GABRG3: variants seen among roughly 807,000 people sequenced by gnomAD.
GABRG3 encodes the protein gamma-aminobutyric acid type A receptor subunit gamma3.
In GABRG3, 25 loss-of-function variants were observed where a neutral mutation model predicts 48.8. The ratio of observed to expected loss-of-function variants is 0.51; its 90% CI spans 0.37 to 0.72. GABRG3 has a LOEUF of 0.72. GABRG3 is among the 30% of genes least tolerant of loss of function. The probability of loss-of-function intolerance (pLI) is 0.00; values close to 1 mark genes in which losing one functional copy is unlikely to be tolerated. For synonymous variants in GABRG3, 227 were observed against 217.6 expected (o/e 1.04, Z -0.38); for missense variants, 394 against 577.9 (o/e 0.68, Z 3.26).
At chr15:27,396,634 A>C (rs939286209) in intron 5 of GABRG3, among the ~76,000 whole-genome samples, 13 of 152,364 alleles carry the variant, frequency 8.5e-5, no homozygotes, top group African/African-American at 3.1e-4. Flanking sequence ...CAGCATTCTC[A>C]TTTCTAGGAA....
intron 3 of GABRG3, among the ~76,000 whole-genome samples, chr15:27,279,276 T>G (rs1424145247): frequency 1.3e-5 from 2 of 152,192 alleles, no homozygotes; most frequent in Non-Finnish European, 2.9e-5. Context: ...AAGTCCTGAT[T>G]TATTGATTTT....
Position 27,264,583 on chromosome 15 carries a change from C to T in GABRG3, c.271-62226C>T, listed in dbSNP as rs182226943. Among the ~76,000 whole-genome samples, 580 of 147,020 alleles carry T rather than the reference C, an allele frequency of 3.9e-3. 1 individual carries two copies. The highest frequency in any genetic ancestry group is 0.014 in the African/African-American group (545 of 39,716). On this transcript the variant is annotated intron_variant, in intron 3 of 9. Transcript: ENST00000615808. Reference sequence around the variant, plus strand: ...ACCAACCTAAAAATCACATCCTCGTCAAAAAATTTATAAAAAACCCTCAAA... The same window carrying T: ...ACCAACCTAAAAATCACATCCTCGTTAAAAAATTTATAAAAAACCCTCAAA...
At chr15:27,343,658 G>A (rs1296533821) in intron 5 of GABRG3, among the ~76,000 whole-genome samples, 1 of 152,178 alleles carries the variant, frequency 6.6e-6, no homozygotes, top group Non-Finnish European at 1.5e-5. Context: ...TTTGGGAAAT[G>A]CAATTTAACT....
intron 2 of GABRG3, among the ~76,000 whole-genome samples, chr15:27,001,499 G>C (rs762727075): frequency 1.1e-4 from 16 of 152,190 alleles, no homozygotes; most frequent in Non-Finnish European, 8.8e-5. Flanking sequence ...TTCTCTGCAG[G>C]TTAGCATTTG....
At position 27,228,501 on chromosome 15, in the gene GABRG3, T is replaced by C. The variant is rs1595599070; in HGVS notation, c.271-98308T>C. Among the ~76,000 whole-genome samples, 6 of 152,356 alleles carry C rather than the reference T, an allele frequency of 3.9e-5. No homozygotes were observed. The East Asian group carries it at 1.2e-3, about 29-fold the overall frequency. ...TTAGGTTGATTTCATGTCTTTGCTA[T>C]TGTGAACAGCGCTGCAATGAACATG... On this transcript the variant is annotated intron_variant, in intron 3 of 9. Coordinates refer to ENST00000615808, the MANE Select transcript of GABRG3 (RefSeq NM_033223.5).
chr15:27,007,915 T>A (rs1895617719), intron 2 of GABRG3, among the ~76,000 whole-genome samples: 1 of 152,172 alleles, frequency 6.6e-6, no homozygotes, highest in Non-Finnish European at 1.5e-5. Context: ...TTTAATTAGG[T>A]CCCTTTTGTC....
At chr15:27,055,975 A>G (rs971578835) in intron 3 of GABRG3, among the ~76,000 whole-genome samples, 2 of 152,226 alleles carry the variant, frequency 1.3e-5, no homozygotes, top group Non-Finnish European at 2.9e-5. Context: ...ATACATGTAT[A>G]CATTCTGCAG....
chr15:27,004,001 C>G (rs368900864), intron 2 of GABRG3, among the ~76,000 whole-genome samples: 8,801 of 147,288 alleles, frequency 0.06, 428 homozygotes, highest in South Asian at 0.28. Flanking sequence ...ACCTCCCTCC[C>G]GGACGGGGCG....
At chr15:27,315,442 CTT>C (rs1893180271) in intron 3 of GABRG3, among the ~76,000 whole-genome samples, 1 of 152,170 alleles carries the variant, frequency 6.6e-6, no homozygotes. Flanking sequence ...AATGTATGCT[CTT>C]TCATGTATAT....
At chr15:27,461,161 C>G (rs895179314) in intron 5 of GABRG3, among the ~76,000 whole-genome samples, 4 of 152,230 alleles carry the variant, frequency 2.6e-5, no homozygotes, top group Non-Finnish European at 5.9e-5. Flanking sequence ...CCACTCAGAG[C>G]ACTGCTGCTG....
At chr15:27,054,881 C>T (rs1377663938) in intron 3 of GABRG3, among the ~76,000 whole-genome samples, 1 of 152,086 alleles carries the variant, frequency 6.6e-6, no homozygotes, top group Non-Finnish European at 1.5e-5. Flanking sequence ...AAGTTACTGT[C>T]CTCGTTTTGA....
intron 3 of GABRG3, among the ~76,000 whole-genome samples, chr15:27,034,702 C>T (rs1896145674): frequency 6.6e-6 from 1 of 152,214 alleles, no homozygotes; most frequent in Non-Finnish European, 1.5e-5. Flanking sequence ...CCAAGGCCCA[C>T]ATGTCTTTTT....
intron 3 of GABRG3, among the ~76,000 whole-genome samples, chr15:27,063,878 G>C (rs929284922): frequency 1.3e-5 from 2 of 152,126 alleles, no homozygotes; most frequent in Non-Finnish European, 2.9e-5. Flanking sequence ...CACCCGGCCT[G>C]CTCACCCACT....
chr15:27,052,503 C>T (rs1403043058), intron 3 of GABRG3, among the ~76,000 whole-genome samples: 1 of 152,116 alleles, frequency 6.6e-6, no homozygotes, highest in Non-Finnish European at 1.5e-5. Flanking sequence ...TCCTGTAACT[C>T]CTTGACAAAA....
chr15:27,065,903 C>T (rs888597375), intron 3 of GABRG3, among the ~76,000 whole-genome samples: 1 of 152,184 alleles, frequency 6.6e-6, no homozygotes, highest in African/African-American at 2.4e-5. Context: ...GGTTTCCAAA[C>T]AGAGAAAATC....
intron 6 of GABRG3, 69 bp from the exon 7 acceptor site, chr15:27,519,903 G>T: frequency 6.4e-6 from 7 of 1,089,010 alleles, no homozygotes; most frequent in Non-Finnish European, 9.0e-6. Context: ...AAAATAAATT[G>T]TAAATTATTT....
chr15:27,353,525 C>T (rs1271600345), intron 5 of GABRG3, among the ~76,000 whole-genome samples: 7 of 151,918 alleles, frequency 4.6e-5, no homozygotes, highest in Non-Finnish European at 8.8e-5. Flanking sequence ...CTCACTGCAA[C>T]CCCTGCCTCC....
intron 5 of GABRG3, among the ~76,000 whole-genome samples, chr15:27,343,894 G>A (rs1247638006): frequency 1.3e-5 from 2 of 152,228 alleles, no homozygotes; most frequent in Non-Finnish European, 2.9e-5. Flanking sequence ...ATGTTTAAAT[G>A]TGCCAGATGG....
At chr15:27,307,791 T>TATATAAAATAAACATAAAC (rs1286892755) in intron 3 of GABRG3, among the ~76,000 whole-genome samples, 15 of 133,006 alleles carry the variant, frequency 1.1e-4, no homozygotes, top group Admixed American at 2.4e-4. Context: ...TATAAACATA[T>TATATAAAATAAACATAAAC]ATATAAAATA....
Sources: allele counts gnomAD v4.1 joint callset (sites outside exome capture counted in the v4.1 genomes callset), GRCh38; gene constraint gnomAD v4.1.1; transcripts MANE v1.5; gene names NCBI Gene and HGNC (gene_info 2026-07-23, HGNC 2026-07-21).